TRIM9: variants seen among roughly 807,000 people sequenced by gnomAD.
TRIM9 encodes E3 ubiquitin-protein ligase TRIM9.
A neutral mutation model predicts 78.3 loss-of-function variants in TRIM9; 26 were observed. The ratio of observed to expected loss-of-function variants is 0.33; its 90% CI spans 0.24 to 0.46. The LOEUF (loss-of-function observed/expected upper bound fraction) is 0.46. Ranked by LOEUF, TRIM9 falls within the 20% of genes least tolerant of loss-of-function variation. The probability of loss-of-function intolerance (pLI) is 1.00; values close to 1 mark genes in which losing one functional copy is unlikely to be tolerated. For missense variants in TRIM9, 787 were observed against 1,036.4 expected, an observed-to-expected ratio of 0.76 and a Z score of 3.30; for synonymous variants, 398 against 416.5, an observed-to-expected ratio of 0.96 and a Z score of 0.54.
intron 1 of TRIM9, among the ~76,000 whole-genome samples, chr14:51,062,199 TG>T (rs2061403941): frequency 6.6e-6 from 1 of 152,250 alleles, no homozygotes; most frequent in Non-Finnish European, 1.5e-5. Flanking sequence ...TGTTTATGCA[TG>T]TTATTCAACT....
Position 50,977,281 on chromosome 14 carries a change from C to T in TRIM9, c.*10G>A, listed in dbSNP as rs775335593. 3.5e-5 allele frequency: 52 copies of T among 1,493,134 alleles called. No homozygotes were observed. Among genetic ancestry groups the T allele is most frequent in the East Asian group, 2.3e-4 (9 of 38,944 alleles). The allele number at this position is 1,493,134 out of a possible 1,614,324, so 92.5% of individuals were successfully genotyped here. On this transcript the variant is annotated 3_prime_UTR_variant, in exon 13 of 13. Transcript: ENST00000684578. ...TAAGAACAGGCAGCTGGCGCCTCCA[C>T]GGCACATCCTTAGGCTATTGATGCT... is the stretch of plus-strand genomic sequence containing the variant.
rs2051087601 is a variant in TRIM9 at position 50,976,309 on chromosome 14, C to T, written c.*982G>A. Reference sequence around the variant, plus strand: ...GCCAGAATGTGTGGATTTTTAGCATCATTCTAGGAAGCCTGAAAGATCTTG... The same window carrying T: ...GCCAGAATGTGTGGATTTTTAGCATTATTCTAGGAAGCCTGAAAGATCTTG... On this transcript the variant is annotated 3_prime_UTR_variant, in exon 13 of 13. Transcript: ENST00000684578. 1 of 152,384 alleles carries T rather than the reference C, an allele frequency of 6.6e-6. No homozygotes were observed. Among genetic ancestry groups the T allele is most frequent in the Non-Finnish European group, 1.5e-5 (1 of 68,028 alleles). The allele number at this position is 152,384 out of a possible 1,614,324, so 9.4% of individuals were successfully genotyped here.
Position 51,069,671 on chromosome 14 carries a change from T to C in TRIM9, c.822+24447A>G, listed in dbSNP as rs577344825. 9.5e-4 allele frequency among the ~76,000 whole-genome samples: 145 copies of C among 152,348 alleles called. 1 individual carries two copies. The South Asian group carries it at 0.028, about 29-fold the overall frequency. Reference sequence around the variant, plus strand: ...ATCAGGAGAGGTCATATCAGAATGATGCAAATGTCAGGTTTCTCTTGGAAG... The same window carrying C: ...ATCAGGAGAGGTCATATCAGAATGACGCAAATGTCAGGTTTCTCTTGGAAG... On this transcript the variant is annotated intron_variant, in intron 1 of 12. Transcript: ENST00000684578.
chr14:51,026,108 C>A (rs141305560), intron 1 of TRIM9, among the ~76,000 whole-genome samples: 1 of 152,166 alleles, frequency 6.6e-6, no homozygotes, highest in Admixed American at 6.5e-5. Flanking sequence ...TCCTGACGGA[C>A]GACACCTAAG....
intron 1 of TRIM9, among the ~76,000 whole-genome samples, chr14:51,039,509 A>G (rs572748504): frequency 2.6e-5 from 4 of 152,288 alleles, no homozygotes; most frequent in African/African-American, 7.2e-5. Context: ...TAAAAACACT[A>G]TGTTGAGCAA....
chr14:51,095,010 C>A lies in TRIM9; in HGVS notation c.-71G>T. On this transcript the variant is annotated 5_prime_UTR_variant, in exon 1 of 13. Transcript: ENST00000684578. ...GAGCTGGCGAGGTGGCCGACGGGCC[C>A]GTCTTGTCCAGCACCCTGGCCAGCG... The A allele has an allele frequency of 8.1e-7, 1 of 1,232,736 alleles. No homozygotes were observed. The highest frequency in any genetic ancestry group is 2.3e-5 in the South Asian group (1 of 43,068). 76.4% of individuals were successfully genotyped at this position (1,232,736 alleles called of 1,614,324 possible). A position where few individuals can be genotyped will look rare whatever the true frequency, so the allele number is the denominator to read the frequency against.
At chr14:50,979,951 G>A (rs189438943) in intron 11 of TRIM9, among the ~76,000 whole-genome samples, 1 of 152,182 alleles carries the variant, frequency 6.6e-6, no homozygotes, top group Non-Finnish European at 1.5e-5. Flanking sequence ...GGCTATCAGA[G>A]CTCTGACTCT....
intron 1 of TRIM9, among the ~76,000 whole-genome samples, chr14:51,026,499 G>A (rs926338314): frequency 1.1e-4 from 17 of 152,008 alleles, no homozygotes; most frequent in African/African-American, 1.9e-4. Flanking sequence ...ATACCCTTCC[G>A]TACCTCAGGT....
chr14:51,068,364 C>T (rs908241862), intron 1 of TRIM9, among the ~76,000 whole-genome samples: 4 of 151,832 alleles, frequency 2.6e-5, no homozygotes, highest in Non-Finnish European at 5.9e-5. Context: ...AAAAACAAAC[C>T]CAAATCAATA....
chr14:50,982,005 C>T lies in TRIM9; in HGVS notation c.1957G>A (p.Val653Met), dbSNP rs1403261964. 5.0e-6 allele frequency: 8 copies of T among 1,614,056 alleles called. No homozygotes were observed. In the Admixed American group the frequency reaches 1.3e-4, roughly 27 times the overall value. The change falls in exon 11 of 13, where the codon GTG becomes ATG. Residue 653 changes from valine to methionine, a missense_variant. Val to Met is a conservative substitution (Grantham distance 21). Around this residue, in one of 3 missense-constraint regions of TRIM9, gnomAD observed 421 missense variants for 514.3 expected, o/e 0.82. Coordinates refer to ENST00000684578, the MANE Select transcript of TRIM9 (RefSeq NM_001387360.1). ...VTCSSYDDRV[V>M]LGKTGFSKGI... The stretch of plus-strand genomic sequence containing the variant: ...TTGGAGAAGCCAGTCTTCCCTAGCA[C>T]CACCCGGTCATCATAGCTACTACAG...
intron 2 of TRIM9, among the ~76,000 whole-genome samples, chr14:51,024,865 A>G (rs899187585): frequency 1.3e-5 from 2 of 152,138 alleles, no homozygotes. Context: ...GGAAGAAAAG[A>G]AGAGAAAACT....
intron 1 of TRIM9, among the ~76,000 whole-genome samples, chr14:51,053,534 G>A (rs753843262): frequency 1.9e-5 from 2 of 106,806 alleles, no homozygotes; most frequent in African/African-American, 3.7e-5. Context: ...TTTTTTATGC[G>A]TTAACATTAC....
chr14:51,051,950 G>C (rs1296951575), intron 1 of TRIM9, among the ~76,000 whole-genome samples: 1 of 146,080 alleles, frequency 6.8e-6, no homozygotes, highest in Non-Finnish European at 1.5e-5. Context: ...CTAGGCAACA[G>C]AGACCCTGTC....
At chr14:50,987,630 C>A (rs2052888833) in intron 7 of TRIM9, among the ~76,000 whole-genome samples, 1 of 151,982 alleles carries the variant, frequency 6.6e-6, no homozygotes, top group Admixed American at 6.6e-5. Context: ...TATGATAAAT[C>A]AAAAATTATT....
In TRIM9 at chr14:50,986,060, G is replaced by GT; in HGVS notation, c.1687dup (p.Thr563AsnfsTer3). On this transcript the variant is annotated frameshift_variant, in exon 8 of 13. Transcript: ENST00000684578. LOFTEE classifies it high-confidence loss of function. The stretch of plus-strand genomic sequence containing the variant: ...GGGGAAGCTGGGTTGTAGATTAAGG[G>GT]TGGAGGAGAAAGGACTCATTCTACG... The GT allele has an allele frequency of 6.5e-7, 1 of 1,550,128 alleles. No individual in the cohort carries two copies. The highest frequency in any genetic ancestry group is 8.7e-7 in the Non-Finnish European group (1 of 1,146,708).
chr14:51,081,953 C>T (rs2063342938), intron 1 of TRIM9, among the ~76,000 whole-genome samples: 1 of 152,212 alleles, frequency 6.6e-6, no homozygotes, highest in Admixed American at 6.5e-5. Context: ...AGAACTCAAT[C>T]TCCAGCCACC....
Position 50,981,870 on chromosome 14 carries a change from C to T in TRIM9, c.2092G>A (p.Asp698Asn), listed in dbSNP as rs753278189. 6.2e-7 allele frequency: 1 copy of T among 1,614,080 alleles called. No homozygotes were observed. The highest frequency in any genetic ancestry group is 8.5e-7 in the Non-Finnish European group (1 of 1,180,052). Residue 698 changes from aspartate (D) to asparagine (N), a missense_variant, in exon 11 of 13, where the codon GAC becomes AAC. Physicochemically the swap from Asp to Asn is conservative, Grantham distance 23. Transcript: ENST00000684578. Reference protein sequence around the residue: ...VMKDVMLGKDDKAWAMYVDNN... With the variant: ...VMKDVMLGKDNKAWAMYVDNN... ...TCCACATACATTGCCCAAGCTTTGT[C>T]GTCTTTTCCTAACATCACATCCTTC...
chr14:51,043,823 T>C (rs2140003731), intron 1 of TRIM9, among the ~76,000 whole-genome samples: 1 of 146,402 alleles, frequency 6.8e-6, no homozygotes, highest in East Asian at 1.9e-4. Context: ...GCAGTGGTCC[T>C]GTTTGGTTTA....
chr14:50,981,214 T>C (rs1243493221), intron 11 of TRIM9, among the ~76,000 whole-genome samples: 1 of 152,228 alleles, frequency 6.6e-6, no homozygotes, highest in Non-Finnish European at 1.5e-5. Context: ...TTCCTTTCCT[T>C]AGCAAACTGG....
Sources: gnomAD v4.1 joint callset for allele counts (sites outside exome capture counted in the v4.1 genomes callset) on GRCh38, gnomAD v4.1.1 for gene constraint, gnomAD v4.1.1 regional missense constraint, MANE v1.5 for transcripts, NCBI Gene and HGNC (gene_info 2026-07-23, HGNC 2026-07-21) for gene names.